CEP112: variants seen among roughly 807,000 people sequenced by gnomAD.
CEP112 encodes the protein centrosomal protein of 112 kDa.
In CEP112, 127 loss-of-function variants were observed where a neutral mutation model predicts 153.0. The ratio of observed to expected loss-of-function variants is 0.83; its 90% confidence interval spans 0.72 to 0.96. CEP112 has a LOEUF of 0.96. Ranked by LOEUF, CEP112 falls within the 40% of genes least tolerant of loss-of-function variation. The pLI is 0.00. For missense variants in CEP112, 1,089 were observed against 1,101.2 expected (o/e 0.99, Z 0.16); for synonymous variants, 358 against 374.4 (o/e 0.96, Z 0.51).
chr17:66,152,265 A>C lies in CEP112; in HGVS notation c.471-19502T>G, dbSNP rs141711813. Among the ~76,000 whole-genome samples, 428 of 152,334 alleles carry C rather than the reference A, an allele frequency of 2.8e-3. 4 individuals are homozygous for C. Among genetic ancestry groups the C allele is most frequent in the African/African-American group, 9.5e-3 (394 of 41,586 alleles). ...GGAAGTAAGAAATCTGTTATCGGAA[A>C]TGAGAAGAAGGGGGATCCTTTTTAC... On this transcript the variant is annotated intron_variant, in intron 4 of 26. Transcript: ENST00000535342.
At chr17:66,066,589 AC>A (rs2067128101) in intron 10 of CEP112, among the ~76,000 whole-genome samples, 188 bp downstream of exon 10, 2 of 152,042 alleles carry the variant, frequency 1.3e-5, no homozygotes, top group South Asian at 2.1e-4. Context: ...AGACACACAC[AC>A]ACACACACAA....
At chr17:65,970,199 C>T (rs1350957633) in intron 17 of CEP112, among the ~76,000 whole-genome samples, 1 of 120,336 alleles carries the variant, frequency 8.3e-6, no homozygotes. Context: ...ATATATGCTG[C>T]ATGCATGTCA....
chr17:65,924,451 C>G (rs975301018), intron 19 of CEP112, among the ~76,000 whole-genome samples: 1 of 151,830 alleles, frequency 6.6e-6, no homozygotes, highest in African/African-American at 2.4e-5. Context: ...TTTTTTGGAA[C>G]AATAGAACAT....
rs755229216 is a variant in CEP112 at position 66,028,444 on chromosome 17, A to G, written c.1504-39T>C. 3 of 1,226,718 alleles carry G rather than the reference A, an allele frequency of 2.4e-6. No individual in the cohort carries two copies. The East Asian group carries it at 7.5e-5, about 31-fold the overall frequency. 76.0% of individuals were successfully genotyped at this position (1,226,718 alleles called of 1,614,324 possible). A position where few individuals can be genotyped will look rare whatever the true frequency, so the allele number is the denominator to read the frequency against. On this transcript the variant is annotated intron_variant, in intron 14 of 26. Coordinates refer to ENST00000535342, the MANE Select transcript of CEP112 (RefSeq NM_001199165.4). ...AAGAAGAATAAAAAGCAGAATATTG[A>G]TTTTTGTACCATATTATACTTTCTG...
chr17:65,916,154 A>C (rs1389944841), intron 19 of CEP112, among the ~76,000 whole-genome samples: 1 of 152,046 alleles, frequency 6.6e-6, no homozygotes, highest in Non-Finnish European at 1.5e-5. Flanking sequence ...CCATTTATAA[A>C]GTAGCCCTTT....
intron 18 of CEP112, among the ~76,000 whole-genome samples, chr17:65,942,231 G>C (rs1465969558): frequency 6.6e-6 from 1 of 152,092 alleles, no homozygotes; most frequent in East Asian, 1.9e-4. Context: ...GTGCATGCGA[G>C]GGATCTAGGT....
intron 20 of CEP112, among the ~76,000 whole-genome samples, chr17:65,879,904 T>C (rs933275657): frequency 6.9e-6 from 1 of 143,886 alleles, no homozygotes; most frequent in Non-Finnish European, 1.5e-5. Flanking sequence ...AATATACAAC[T>C]GACAGAAGCC....
At chr17:65,834,613 C>G (rs1208911576) in intron 21 of CEP112, among the ~76,000 whole-genome samples, 1 of 152,120 alleles carries the variant, frequency 6.6e-6, no homozygotes, top group African/African-American at 2.4e-5. Flanking sequence ...TATTGCTGAT[C>G]ATTAGAGAAA....
At chr17:66,092,840 C>G (rs368826775) in intron 8 of CEP112, among the ~76,000 whole-genome samples, 1 of 152,072 alleles carries the variant, frequency 6.6e-6, no homozygotes, top group Non-Finnish European at 1.5e-5. Context: ...ATAAAAACAA[C>G]AAATTAGGTA....
intron 21 of CEP112, among the ~76,000 whole-genome samples, chr17:65,784,901 GAC>G (rs1345689770): frequency 6.6e-6 from 1 of 151,816 alleles, no homozygotes; most frequent in Non-Finnish European, 1.5e-5. Flanking sequence ...TTATCACCAC[GAC>G]AAAATTCTAG....
chr17:65,772,437 T>TCATATTTAA (rs1395641503), intron 21 of CEP112, among the ~76,000 whole-genome samples: 2 of 152,084 alleles, frequency 1.3e-5, no homozygotes, highest in Non-Finnish European at 2.9e-5. Context: ...TCTGTAGACA[T>TCATATTTAA]TAATAGGGTA....
At chr17:65,640,778 T>G (rs968620889) in intron 25 of CEP112, among the ~76,000 whole-genome samples, 186 bp downstream of exon 25, 5 of 152,186 alleles carry the variant, frequency 3.3e-5, no homozygotes, top group African/African-American at 1.2e-4. Flanking sequence ...AAATTCTTAT[T>G]GAGACAGTGA....
intron 18 of CEP112, among the ~76,000 whole-genome samples, chr17:65,958,146 T>TG (rs1160959126): frequency 6.6e-6 from 1 of 152,208 alleles, no homozygotes; most frequent in African/African-American, 2.4e-5. Flanking sequence ...TTTCATATGA[T>TG]GGTTTCCTTA....
At position 65,892,063 on chromosome 17, in the gene CEP112, G is replaced by C. The variant is rs1397185674; in HGVS notation, c.2163+10089C>G. On this transcript the variant is annotated intron_variant, in intron 20 of 26. Coordinates refer to ENST00000535342, the MANE Select transcript of CEP112 (RefSeq NM_001199165.4). ...CCCAATGCAACTGTAATTTCCTTTA[G>C]AGCAGAGTACTGGTCTATCTTGCAC... Among the ~76,000 whole-genome samples, 3 of 152,196 alleles carry C rather than the reference G, an allele frequency of 2.0e-5. No homozygotes were observed. In the East Asian group the frequency reaches 5.8e-4, roughly 29 times the overall value.
chr17:66,178,562 G>A (rs1015933443), intron 2 of CEP112, among the ~76,000 whole-genome samples: 3 of 152,026 alleles, frequency 2.0e-5, no homozygotes, highest in African/African-American at 7.2e-5. Context: ...TTAACATGAT[G>A]AGATCCCATT....
chr17:66,158,383 G>A (rs1278807378), intron 4 of CEP112, among the ~76,000 whole-genome samples: 1 of 152,008 alleles, frequency 6.6e-6, no homozygotes, highest in African/African-American at 2.4e-5. Context: ...GAGGCCGAGG[G>A]AGGCGGATCA....
intron 21 of CEP112, chr17:65,826,141 C>A: frequency 1.2e-6 from 2 of 1,613,996 alleles, no homozygotes; most frequent in Non-Finnish European, 1.7e-6. Flanking sequence ...TTCTTACCTT[C>A]TTCTCTTTGA....
chr17:66,045,978 T>C (rs2066184383), intron 12 of CEP112, among the ~76,000 whole-genome samples: 1 of 152,164 alleles, frequency 6.6e-6, no homozygotes, highest in Non-Finnish European at 1.5e-5. Context: ...CACAACAGAA[T>C]AAATGCAAAG....
intron 20 of CEP112, among the ~76,000 whole-genome samples, chr17:65,899,451 T>C (rs1286984321): frequency 6.6e-6 from 1 of 152,180 alleles, no homozygotes; most frequent in Non-Finnish European, 1.5e-5. Flanking sequence ...TTCATTGTTC[T>C]TGGTGCATTT....
Sources: allele counts gnomAD v4.1 joint callset (sites outside exome capture counted in the v4.1 genomes callset), GRCh38; gene constraint gnomAD v4.1.1; transcripts MANE v1.5; gene names NCBI Gene and HGNC (gene_info 2026-07-23, HGNC 2026-07-21).